Variants in PSME4 observed in about 807,000 individuals in gnomAD.
PSME4 encodes proteasome activator complex subunit 4.
Under a neutral mutation model 253.9 loss-of-function variants are expected in PSME4, and 89 were observed. That is an observed-to-expected ratio of 0.35 (90% CI 0.30 to 0.42). PSME4 has a LOEUF of 0.42. PSME4 is among the 10% of genes least tolerant of loss of function. The pLI, the probability that PSME4 is intolerant of heterozygous loss-of-function variation, is 1.00. For synonymous variants in PSME4, 851 were observed against 759.2 expected (o/e 1.12, Z -1.99); for missense variants, 2,014 against 2,195.2 (o/e 0.92, Z 1.65).
chr2:53,953,882 A>G (rs1369743383), intron 1 of PSME4, among the ~76,000 whole-genome samples: 1 of 152,266 alleles, frequency 6.6e-6, no homozygotes, highest in East Asian at 1.9e-4. Flanking sequence ...TCTTTCAACC[A>G]TCCAGAATAT....
In PSME4 at chr2:53,905,802, G is replaced by C. The variant is rs1680631217; in HGVS notation, c.2943+796C>G. On this transcript the variant is annotated intron_variant, in intron 26 of 46. Coordinates refer to ENST00000404125, the MANE Select transcript of PSME4 (RefSeq NM_014614.3). ...ACTGCACTGCAGCCTGGGTAACAGA[G>C]AGAGACCTTGTCTCAAAAAATAAAA... Among the ~76,000 whole-genome samples the C allele has an allele frequency of 3.3e-5, 5 of 152,138 alleles. No individual in the cohort carries two copies. The South Asian group carries it at 1.0e-3, about 32-fold the overall frequency.
intron 38 of PSME4, 120 bp from the exon 39 acceptor site, chr2:53,888,109 A>G: frequency 1.0e-6 from 1 of 986,682 alleles, no homozygotes; most frequent in South Asian, 2.4e-5. Flanking sequence ...CTTAATAAAT[A>G]CTACAATATC....
In PSME4 at chr2:53,875,707, C is replaced by T. The variant is rs777476659; in HGVS notation, c.4864G>A (p.Ala1622Thr). 4 of 1,612,724 alleles carry T rather than the reference C, an allele frequency of 2.5e-6. No homozygotes were observed. Among genetic ancestry groups the T allele is most frequent in the Non-Finnish European group, 3.4e-6 (4 of 1,179,164 alleles). ...DNSYDELKRDAKLCLSLMSQG... is the reference protein window; with the variant it reads ...DNSYDELKRDTKLCLSLMSQG... ...GACATTAATGATAAACATAACTTTG[C>T]ATCTCTTTTCAGTTCATCGTAGCTA... The change falls in exon 42 of 47, where the codon GCA becomes ACA. Residue 1622 changes from alanine (A) to threonine (T), a missense_variant. Physicochemically the swap from Ala to Thr is moderately conservative, Grantham distance 58. Transcript: ENST00000404125.
chr2:53,904,523 T>A (rs1253818932), intron 26 of PSME4, among the ~76,000 whole-genome samples: 4 of 152,196 alleles, frequency 2.6e-5, no homozygotes, highest in Non-Finnish European at 5.9e-5. Context: ...TATGTCCACA[T>A]GAGGAAAATT....
intron 1 of PSME4, among the ~76,000 whole-genome samples, chr2:53,953,134 G>C (rs1166907185): frequency 1.3e-5 from 2 of 152,162 alleles, no homozygotes; most frequent in African/African-American, 4.8e-5. Context: ...TCGCCAACCA[G>C]CAAGTGGTTC....
At chr2:53,932,620 A>AT in intron 9 of PSME4, 48 bp downstream of exon 9, 1 of 1,455,902 alleles carries the variant, frequency 6.9e-7, no homozygotes, top group Non-Finnish European at 9.7e-7. Context: ...AAGGATGACC[A>AT]TATCTTTAAA....
chr2:53,937,533 G>C lies in PSME4; in HGVS notation c.553C>G (p.Pro185Ala). The C allele has an allele frequency of 6.2e-7, 1 of 1,607,908 alleles. No homozygotes were observed. Among genetic ancestry groups the C allele is most frequent in the South Asian group, 1.1e-5 (1 of 89,744 alleles). Residue 185 changes from proline to alanine, a missense_variant, in exon 5 of 47, where the codon CCA becomes GCA. This residue lies in a region of PSME4 where 615 missense variants were observed against 594.4 expected (regional missense o/e 1.03). Coordinates refer to ENST00000404125, the MANE Select transcript of PSME4 (RefSeq NM_014614.3). ...AGCATCTCAGCGGTGGCATCTGCTGGAAAATATCTAATAAAAAAAGAAGGT... is the reference window on the plus strand; with the variant it reads ...AGCATCTCAGCGGTGGCATCTGCTGCAAAATATCTAATAAAAAAAGAAGGT... ...TLVKSCRPYF[P>A]ADATAEMLEE...
chr2:53,884,068 T>C (rs1414912610), intron 41 of PSME4, among the ~76,000 whole-genome samples: 1 of 152,216 alleles, frequency 6.6e-6, no homozygotes, highest in Non-Finnish European at 1.5e-5. Flanking sequence ...ACATCTGATT[T>C]ATGTGCAAAA....
chr2:53,873,004 G>A (rs1054460392), intron 43 of PSME4, among the ~76,000 whole-genome samples: 7 of 151,956 alleles, frequency 4.6e-5, no homozygotes, highest in Admixed American at 1.3e-4. Flanking sequence ...ACTTTGGGAA[G>A]CTGAGACAGG....
chr2:53,959,148 C>T (rs1670368023), intron 1 of PSME4, among the ~76,000 whole-genome samples: 2 of 152,096 alleles, frequency 1.3e-5, no homozygotes, highest in Admixed American at 6.5e-5. Context: ...AAAACCCTAT[C>T]TTGACTAAAA....
intron 1 of PSME4, among the ~76,000 whole-genome samples, chr2:53,954,605 G>A (rs779861977): frequency 6.6e-6 from 1 of 152,110 alleles, no homozygotes; most frequent in Non-Finnish European, 1.5e-5. Context: ...TTGGGAGGCC[G>A]AGGCAGGCAG....
chr2:53,947,415 G>A (rs1348740803), intron 3 of PSME4, among the ~76,000 whole-genome samples: 2 of 152,166 alleles, frequency 1.3e-5, no homozygotes, highest in African/African-American at 2.4e-5. Flanking sequence ...TTCAAGAAAT[G>A]AGTACACAGG....
chr2:53,909,958 A>G (rs1477733638), intron 21 of PSME4, 117 bp downstream of exon 21: 2 of 893,296 alleles, frequency 2.2e-6, no homozygotes, highest in Non-Finnish European at 3.8e-6. Context: ...AGACAGAGTG[A>G]GACTCTGTCT....
chr2:53,954,284 C>T (rs1184820231), intron 1 of PSME4, among the ~76,000 whole-genome samples: 1 of 151,536 alleles, frequency 6.6e-6, no homozygotes, highest in South Asian at 2.1e-4. Flanking sequence ...GCCAAGATCT[C>T]GCTGCTGCAC....
chr2:53,949,020 G>T, intron 2 of PSME4, 123 bp downstream of exon 2: 2 of 1,252,970 alleles, frequency 1.6e-6, no homozygotes, highest in Non-Finnish European at 2.1e-6. Context: ...AATGTTTTTT[G>T]CAATCATTTT....
chr2:53,966,372 T>C (rs901616997), intron 1 of PSME4, among the ~76,000 whole-genome samples: 3 of 152,096 alleles, frequency 2.0e-5, no homozygotes, highest in African/African-American at 7.2e-5. Flanking sequence ...GCCAGGATAA[T>C]AATGTTAGGC....
chr2:53,928,827 C>A (rs554166758), intron 10 of PSME4, among the ~76,000 whole-genome samples: 1 of 152,274 alleles, frequency 6.6e-6, no homozygotes, highest in South Asian at 2.1e-4. Flanking sequence ...CCCCTGCTAC[C>A]TTACCAACTC....
At chr2:53,969,781 C>G (rs1670951288) in intron 1 of PSME4, among the ~76,000 whole-genome samples, 1 of 149,460 alleles carries the variant, frequency 6.7e-6, no homozygotes, top group African/African-American at 2.5e-5. Context: ...ATCTCTTAAT[C>G]TGAGTAACTC....
intron 37 of PSME4, 49 bp from the exon 38 acceptor site, chr2:53,888,861 G>T (rs1478451473): frequency 1.5e-6 from 2 of 1,372,240 alleles, no homozygotes; most frequent in African/African-American, 1.4e-5. Flanking sequence ...CTACAATTCT[G>T]TAAACAAATC....
Sources: allele counts gnomAD v4.1 joint callset (sites outside exome capture counted in the v4.1 genomes callset), GRCh38; gene constraint gnomAD v4.1.1; regional missense constraint gnomAD v4.1.1; transcripts MANE v1.5; gene names NCBI Gene and HGNC (gene_info 2026-07-23, HGNC 2026-07-21).